SLC1A4: variants seen among roughly 807,000 people sequenced by gnomAD.
The protein encoded by SLC1A4 is neutral amino acid transporter A.
In SLC1A4, 19 loss-of-function variants were observed where a neutral mutation model predicts 37.7. The observed-to-expected ratio is 0.50, with a 90% confidence interval of 0.35 to 0.74. The LOEUF is 0.74. SLC1A4 is among the 30% of genes least tolerant of loss of function. The pLI is 0.01. For synonymous variants in SLC1A4, 299 were observed against 309.8 expected (o/e 0.97, Z 0.37); for missense variants, 570 against 712.9 (o/e 0.80, Z 2.28).
intron 3 of SLC1A4, among the ~76,000 whole-genome samples, chr2:65,005,821 C>T (rs543662145): frequency 6.6e-6 from 1 of 151,474 alleles, no homozygotes; most frequent in Non-Finnish European, 1.5e-5. Flanking sequence ...GAGCAAGACC[C>T]CATCACTACA....
intron 4 of SLC1A4, among the ~76,000 whole-genome samples, chr2:65,015,261 A>C (rs1239524530): frequency 6.6e-6 from 1 of 152,236 alleles, no homozygotes; most frequent in Non-Finnish European, 1.5e-5. Context: ...ATAGTTGCAC[A>C]AGAATGTGAA....
Position 64,990,024 on chromosome 2 carries a change from T to C in SLC1A4, c.381T>C (p.Ser127=). The change falls in exon 1 of 8, where the codon AGT becomes AGC. Residue 127 remains serine, a synonymous_variant. Coordinates refer to ENST00000234256, the MANE Select transcript of SLC1A4 (RefSeq NM_003038.5). The stretch of plus-strand genomic sequence containing the variant: ...CCTACTTTGGCCTCACCACACTGAG[T>C]GCCTCGGCGCTCGCCGTGGCCTTGG... The part of the protein sequence containing the change: ...AVAYFGLTTL[S]ASALAVALAF... The C allele has an allele frequency of 6.2e-7, 1 of 1,603,100 alleles. No homozygotes were observed. The highest frequency in any genetic ancestry group is 8.5e-7 in the Non-Finnish European group (1 of 1,174,972).
At chr2:65,017,362 A>G (rs977965441) in intron 5 of SLC1A4, among the ~76,000 whole-genome samples, 1 of 151,982 alleles carries the variant, frequency 6.6e-6, no homozygotes, top group East Asian at 1.9e-4. Context: ...AAAAAAAAAA[A>G]CACTGGGTTT....
chr2:65,009,642 G>T (rs778033650), intron 3 of SLC1A4, among the ~76,000 whole-genome samples: 1 of 152,170 alleles, frequency 6.6e-6, no homozygotes, highest in African/African-American at 2.4e-5. Context: ...AAGCTGCAAG[G>T]GCTAGGGAAC....
upstream of SLC1A4, chr2:64,989,275 C>A (rs1672939325): frequency 6.1e-6 from 1 of 164,554 alleles, no homozygotes; most frequent in East Asian, 1.7e-4. Context: ...GCGGCGGCTC[C>A]CGGGCTGTGA....
intron 7 of SLC1A4, 139 bp from the exon 8 acceptor site, chr2:65,020,773 C>A: frequency 1.5e-6 from 1 of 671,772 alleles, no homozygotes; most frequent in Non-Finnish European, 2.7e-6. Flanking sequence ...TAAGGTAAAG[C>A]CAATGCCTTA....
At chr2:65,007,978 T>C (rs889708643) in intron 3 of SLC1A4, among the ~76,000 whole-genome samples, 2 of 152,164 alleles carry the variant, frequency 1.3e-5, no homozygotes, top group African/African-American at 4.8e-5. Flanking sequence ...CTTTGTCCCC[T>C]TTCCCCCCTA....
intron 3 of SLC1A4, among the ~76,000 whole-genome samples, chr2:65,009,972 C>T (rs1409966157): frequency 6.6e-6 from 1 of 151,570 alleles, no homozygotes; most frequent in African/African-American, 2.4e-5. Flanking sequence ...CGCTCTGTCG[C>T]CCAGGCTGGA....
chr2:65,014,951 T>A (rs1674068255), intron 4 of SLC1A4, among the ~76,000 whole-genome samples: 1 of 152,238 alleles, frequency 6.6e-6, no homozygotes, highest in Non-Finnish European at 1.5e-5. Context: ...ATTGGATGAA[T>A]GGATAAACAA....
Position 65,018,403 on chromosome 2 carries a change from T to C in SLC1A4, c.1229+138T>C. 8 of 1,386,320 alleles carry C rather than the reference T, an allele frequency of 5.8e-6. No individual in the cohort carries two copies. The South Asian group carries it at 1.1e-4, about 19-fold the overall frequency. The allele number at this position is 1,386,320 out of a possible 1,614,324, so 85.9% of individuals were successfully genotyped here. On this transcript the variant is annotated intron_variant, in intron 6 of 7. Coordinates refer to ENST00000234256, the MANE Select transcript of SLC1A4 (RefSeq NM_003038.5). The surrounding 1 kb of genome is among the most constrained non-coding windows in gnomAD (Gnocchi z 4.3). Reference sequence around the variant, plus strand: ...GGATTCATTACTTGAAGAGCGTGTGTTGACTCTCAAGGGCGTAGCCAGCAG... The same window carrying C: ...GGATTCATTACTTGAAGAGCGTGTGCTGACTCTCAAGGGCGTAGCCAGCAG...
chr2:65,020,864 C>A, intron 7 of SLC1A4, 48 bp from the exon 8 acceptor site: 1 of 1,517,234 alleles, frequency 6.6e-7, no homozygotes, highest in Non-Finnish European at 9.1e-7. Context: ...TGACAGGACC[C>A]GATCGCCCAG....
intron 1 of SLC1A4, among the ~76,000 whole-genome samples, chr2:64,990,559 C>T (rs1046526434): frequency 1.1e-4 from 17 of 152,220 alleles, no homozygotes; most frequent in Non-Finnish European, 1.3e-4. Context: ...CCACATGGTG[C>T]CTAAAAGCTT....
chr2:65,010,760 T>G lies in SLC1A4; in HGVS notation c.797T>G (p.Met266Arg). ...ACGATGGTGCTGGTGTCCTGGATTA[T>G]GTGGTGAGTGCTGCTTTGCTGCCTA... ...EATMVLVSWI[M>R]WYVPVGIMFL... Residue 266 changes from methionine (M) to arginine (R), a missense_variant, in exon 4 of 8, where the codon ATG becomes AGG. Coordinates refer to ENST00000234256, the MANE Select transcript of SLC1A4 (RefSeq NM_003038.5). The G allele has an allele frequency of 6.2e-7, 1 of 1,611,600 alleles. No individual in the cohort carries two copies. Among genetic ancestry groups the G allele is most frequent in the Non-Finnish European group, 8.5e-7 (1 of 1,178,990 alleles).
At chr2:65,006,788 A>G (rs1673693713) in intron 3 of SLC1A4, among the ~76,000 whole-genome samples, 1 of 152,164 alleles carries the variant, frequency 6.6e-6, no homozygotes, top group Admixed American at 6.5e-5. Context: ...TTTTTTTTCT[A>G]TACTAGCCAA....
chr2:65,018,576 G>T lies in SLC1A4; in HGVS notation c.1261G>T (p.Ala421Ser), dbSNP rs1250853028. 1 of 1,614,122 alleles carries T rather than the reference G, an allele frequency of 6.2e-7. No individual in the cohort carries two copies. Among genetic ancestry groups the T allele is most frequent in the Admixed American group, 1.7e-5 (1 of 60,012 alleles). ...VTATASSVGA[A>S]GVPAGGVLTI... Reference sequence around the variant, plus strand: ...TGCCACAGCGTCCAGTGTTGGAGCAGCAGGCGTGCCAGCTGGAGGGGTCCT... The same window carrying T: ...TGCCACAGCGTCCAGTGTTGGAGCATCAGGCGTGCCAGCTGGAGGGGTCCT... Residue 421 changes from alanine (A) to serine (S), a missense_variant, in exon 7 of 8, where the codon GCA becomes TCA. Ala to Ser is a moderately conservative substitution (Grantham distance 99, BLOSUM62 1). Coordinates refer to ENST00000234256, the MANE Select transcript of SLC1A4 (RefSeq NM_003038.5). The surrounding 1 kb of genome is among the most constrained non-coding windows in gnomAD (Gnocchi z 4.3).
chr2:65,018,149 C>T lies in SLC1A4; in HGVS notation c.1113C>T (p.Leu371=), dbSNP rs921564723. Residue 371 remains leucine, a synonymous_variant, in exon 6 of 8, where the codon CTC becomes CTT. Transcript: ENST00000234256. The surrounding 1 kb of genome is among the most constrained non-coding windows in gnomAD (Gnocchi z 4.3). ...GVDKRISRFI[L]PIGATVNMDG... Reference sequence around the variant, plus strand: ...ACAAGAGGATCAGCAGGTTTATTCTCCCCATCGGGGCCACCGTGAACATGG... The same window carrying T: ...ACAAGAGGATCAGCAGGTTTATTCTTCCCATCGGGGCCACCGTGAACATGG... 1 of 1,614,164 alleles carries T rather than the reference C, an allele frequency of 6.2e-7. No individual in the cohort carries two copies. The highest frequency in any genetic ancestry group is 8.5e-7 in the Non-Finnish European group (1 of 1,180,026).
In SLC1A4 at chr2:65,022,856, T is replaced by C. The variant is rs1191575406; in HGVS notation, c.*1710T>C. The C allele has an allele frequency of 6.6e-6, 1 of 152,390 alleles. No individual in the cohort carries two copies. The highest frequency in any genetic ancestry group is 1.5e-5 in the Non-Finnish European group (1 of 68,172). The allele number at this position is 152,390 out of a possible 1,614,324, so 9.4% of individuals were successfully genotyped here. A position where few individuals can be genotyped will look rare whatever the true frequency, so the allele number is the denominator to read the frequency against. On this transcript the variant is annotated 3_prime_UTR_variant, in exon 8 of 8. Coordinates refer to ENST00000234256, the MANE Select transcript of SLC1A4 (RefSeq NM_003038.5). Reference sequence around the variant, plus strand: ...TGTTCAGCCTCCTTCACTCCCTTGTTTTCCCTGTTGCTATGTGTCACCTGG... The same window carrying C: ...TGTTCAGCCTCCTTCACTCCCTTGTCTTCCCTGTTGCTATGTGTCACCTGG...
intron 3 of SLC1A4, among the ~76,000 whole-genome samples, 175 bp from the exon 4 acceptor site, chr2:65,010,422 C>T (rs1286459075): frequency 1.3e-5 from 2 of 152,220 alleles, no homozygotes; most frequent in African/African-American, 4.8e-5. Context: ...CCTCAGACTA[C>T]ATCTCCCCTT....
At chr2:64,994,718 A>G (rs948848149) in intron 1 of SLC1A4, 2 of 151,762 alleles carry the variant, frequency 1.3e-5, no homozygotes, top group Non-Finnish European at 2.9e-5. Flanking sequence ...AAAAACTATC[A>G]GAGACTGAGA....
Sources: gnomAD v4.1 joint callset for allele counts (sites outside exome capture counted in the v4.1 genomes callset) on GRCh38, gnomAD v4.1.1 for gene constraint, Gnocchi (gnomAD v3.1) non-coding constraint, MANE v1.5 for transcripts, NCBI Gene and HGNC (gene_info 2026-07-23, HGNC 2026-07-21) for gene names.